Variants in FOXO1 observed in about 807,000 individuals in gnomAD.
FOXO1 encodes the protein forkhead box O1, also known as forkhead box protein O1.
In FOXO1, 6 loss-of-function variants were observed where a neutral mutation model predicts 44.1. The ratio of observed to expected loss-of-function variants is 0.14; its 90% CI spans 0.07 to 0.27. The LOEUF is 0.27. Ranked by LOEUF, FOXO1 falls within the 10% of genes least tolerant of loss-of-function variation. The probability of loss-of-function intolerance (pLI) is 1.00; values close to 1 mark genes in which losing one functional copy is unlikely to be tolerated. For missense variants in FOXO1, 737 were observed against 888.8 expected, an observed-to-expected ratio of 0.83 and a Z score of 2.17; for synonymous variants, 380 against 362.7, an observed-to-expected ratio of 1.05 and a Z score of -0.54.
chr13:40,624,317 T>TTA (rs781451856), intron 1 of FOXO1, among the ~76,000 whole-genome samples: 3 of 100,988 alleles, frequency 3.0e-5, no homozygotes, highest in Non-Finnish European at 6.3e-5. Flanking sequence ...TAATACTGCT[T>TTA]AAAAAAAAAA....
At chr13:40,620,280 A>G (rs1363821509) in intron 1 of FOXO1, 3 of 1,181,440 alleles carry the variant, frequency 2.5e-6, no homozygotes, top group South Asian at 1.2e-5. Flanking sequence ...ACAGTATTGC[A>G]AACAGAACTC....
chr13:40,665,104 G>A lies in FOXO1; in HGVS notation c.630+479C>T, dbSNP rs867064643. 2.0e-4 allele frequency among the ~76,000 whole-genome samples: 30 copies of A among 151,022 alleles called. 1 individual carries two copies. In the South Asian group the frequency reaches 5.6e-3, roughly 28 times the overall value. Reference sequence around the variant, plus strand: ...TCCCCTCCACCTGCAGCCCGGTCCCGGGGCAGCGAGGCTCCGGGGCCCCTC... The same window carrying A: ...TCCCCTCCACCTGCAGCCCGGTCCCAGGGCAGCGAGGCTCCGGGGCCCCTC... On this transcript the variant is annotated intron_variant, in intron 1 of 2. Transcript: ENST00000379561.
At chr13:40,608,156 T>C (rs1876089658) in intron 1 of FOXO1, among the ~76,000 whole-genome samples, 1 of 152,250 alleles carries the variant, frequency 6.6e-6, no homozygotes, top group Non-Finnish European at 1.5e-5. Context: ...CTAACATTTT[T>C]AGCATTTGTG....
intron 1 of FOXO1, among the ~76,000 whole-genome samples, chr13:40,661,355 A>C (rs2137944795): frequency 6.6e-6 from 1 of 151,734 alleles, no homozygotes; most frequent in African/African-American, 2.4e-5. Flanking sequence ...GGCTCACTGC[A>C]ACCTCCGCCT....
intron 1 of FOXO1, among the ~76,000 whole-genome samples, chr13:40,663,311 A>T (rs1878094769): frequency 6.6e-6 from 1 of 152,246 alleles, no homozygotes; most frequent in African/African-American, 2.4e-5. Flanking sequence ...TCTATTTTTT[A>T]AAAACCTAAA....
At chr13:40,625,385 T>TGG (rs2137907370) in intron 1 of FOXO1, among the ~76,000 whole-genome samples, 1 of 152,336 alleles carries the variant, frequency 6.6e-6, no homozygotes, top group South Asian at 2.1e-4. Context: ...ATACTGCTTG[T>TGG]GGTCTCCAAT....
chr13:40,660,010 A>C (rs910608410), intron 1 of FOXO1, among the ~76,000 whole-genome samples: 1 of 152,028 alleles, frequency 6.6e-6, no homozygotes, highest in African/African-American at 2.4e-5. Context: ...TGTCTTCCAC[A>C]CTCTAAGTAT....
chr13:40,571,111 C>T (rs1335849897), intron 1 of FOXO1, among the ~76,000 whole-genome samples: 1 of 152,086 alleles, frequency 6.6e-6, no homozygotes, highest in Admixed American at 6.5e-5. Flanking sequence ...CTAATAAGGT[C>T]CCTGTGGTGG....
chr13:40,661,196 A>G (rs1878025368), intron 1 of FOXO1, among the ~76,000 whole-genome samples: 1 of 152,198 alleles, frequency 6.6e-6, no homozygotes, highest in Admixed American at 6.5e-5. Context: ...TGCTACATTT[A>G]GCTGCATAAC....
At chr13:40,607,740 G>C (rs532098568) in intron 1 of FOXO1, among the ~76,000 whole-genome samples, 6 of 152,372 alleles carry the variant, frequency 3.9e-5, no homozygotes, top group Non-Finnish European at 7.3e-5. Context: ...ACAAAGGTGA[G>C]AATGGAGGTG....
chr13:40,593,149 G>A (rs529755132), intron 1 of FOXO1, among the ~76,000 whole-genome samples: 61 of 152,070 alleles, frequency 4.0e-4, no homozygotes, highest in Middle Eastern at 3.4e-3. Flanking sequence ...TCAGCCTCCC[G>A]AATAGCTGGG....
intron 1 of FOXO1, among the ~76,000 whole-genome samples, chr13:40,630,316 T>A (rs1295448094): frequency 6.6e-6 from 1 of 152,162 alleles, no homozygotes; most frequent in African/African-American, 2.4e-5. Context: ...TGTTTGCTTT[T>A]GTTCTTCTTT....
At position 40,557,449 on chromosome 13, in the gene FOXO1, C is replaced by T. The variant is rs1023472327; in HGVS notation, c.*1600G>A. ...CAAGGCTTTTAACATAATCTCAATGCACAACTTACAGCTGGTTTTCAAATA... is the reference window on the plus strand; with the variant it reads ...CAAGGCTTTTAACATAATCTCAATGTACAACTTACAGCTGGTTTTCAAATA... On this transcript the variant is annotated 3_prime_UTR_variant, in exon 3 of 3. Transcript: ENST00000379561. The T allele has an allele frequency of 3.3e-5, 5 of 152,230 alleles. No homozygotes were observed. The highest frequency in any genetic ancestry group is 3.3e-4 in the Admixed American group (5 of 15,284). 9.4% of individuals were successfully genotyped at this position (152,230 alleles called of 1,614,324 possible).
chr13:40,563,915 A>G (rs967534742), intron 1 of FOXO1, among the ~76,000 whole-genome samples: 2 of 152,150 alleles, frequency 1.3e-5, no homozygotes, highest in Non-Finnish European at 2.9e-5. Flanking sequence ...GACATTTTCT[A>G]TACACTGGAA....
chr13:40,665,119 CG>C (rs1878181568), intron 1 of FOXO1, among the ~76,000 whole-genome samples: 1 of 151,700 alleles, frequency 6.6e-6, no homozygotes, highest in African/African-American at 2.4e-5. Context: ...AGCGAGGCTC[CG>C]GGGCCCCTCG....
At chr13:40,614,636 T>C (rs552483422) in intron 1 of FOXO1, among the ~76,000 whole-genome samples, 51 of 152,296 alleles carry the variant, frequency 3.3e-4, no homozygotes, top group East Asian at 7.7e-4. Context: ...AGCACAAGGA[T>C]AGTGATGCTC....
chr13:40,565,942 G>A, intron 1 of FOXO1, among the ~76,000 whole-genome samples: 1 of 152,164 alleles, frequency 6.6e-6, no homozygotes, highest in Non-Finnish European at 1.5e-5. Flanking sequence ...ACTGGTTTGG[G>A]AAAAACAGTT....
intron 1 of FOXO1, among the ~76,000 whole-genome samples, chr13:40,597,193 CT>C (rs34390464): frequency 0.39 from 58,595 of 152,024 alleles, 12,091 homozygotes; most frequent in East Asian, 0.73. Flanking sequence ...AATATCTAGT[CT>C]TTCCTTATAC....
At chr13:40,579,821 G>A (rs1234423788) in intron 1 of FOXO1, among the ~76,000 whole-genome samples, 1 of 152,170 alleles carries the variant, frequency 6.6e-6, no homozygotes, top group Non-Finnish European at 1.5e-5. Context: ...TGGGATCAGT[G>A]TAGAACCTAA....
Sources: gnomAD v4.1 joint callset for allele counts (sites outside exome capture counted in the v4.1 genomes callset) on GRCh38, gnomAD v4.1.1 for gene constraint, MANE v1.5 for transcripts, NCBI Gene and HGNC (gene_info 2026-07-23, HGNC 2026-07-21) for gene names.